Variants in DNAH3 observed in about 807,000 individuals in gnomAD.
DNAH3 encodes axonemal beta dynein heavy chain 3.
DNAH3 carries 332 observed loss-of-function variants against 432.5 expected under a neutral mutation model. The ratio of observed to expected loss-of-function variants is 0.77; its 90% CI spans 0.70 to 0.84. The LOEUF is 0.84. Among genes scored for constraint, DNAH3 ranks in the 40% least tolerant of loss-of-function variants. DNAH3 has a pLI of 0.00. For missense variants in DNAH3, 4,861 were observed against 5,114.0 expected, an observed-to-expected ratio of 0.95 and a Z score of 1.51; for synonymous variants, 1,956 against 1,900.2, an observed-to-expected ratio of 1.03 and a Z score of -0.76.
intron 5 of DNAH3, chr16:21,140,191 A>G (rs1187779679): frequency 2.2e-5 from 4 of 184,832 alleles, no homozygotes; most frequent in Non-Finnish European, 1.1e-5. Context: ...GTTATTCATT[A>G]CCTAAAATTT....
intron 49 of DNAH3, among the ~76,000 whole-genome samples, chr16:20,979,823 C>T (rs987223484): frequency 6.6e-6 from 1 of 152,146 alleles, no homozygotes; most frequent in Non-Finnish European, 1.5e-5. Context: ...GATCTCAGCT[C>T]GCTGCAACCT....
At chr16:20,941,254 G>T in intron 59 of DNAH3, 147 bp downstream of exon 59, 1 of 811,656 alleles carries the variant, frequency 1.2e-6, no homozygotes, top group Non-Finnish European at 2.0e-6. Context: ...TGCTGGGGAT[G>T]GTCCTATTCA....
chr16:20,966,323 GCCACCACGC>G (rs1408126937), intron 52 of DNAH3, among the ~76,000 whole-genome samples: 1 of 151,598 alleles, frequency 6.6e-6, no homozygotes, highest in Non-Finnish European at 1.5e-5. Context: ...ACAGGTATGG[GCCACCACGC>G]CCAGCTGTGC....
chr16:21,067,776 G>GGGGGGAGAGGGAGA (rs2090616078), intron 23 of DNAH3, among the ~76,000 whole-genome samples: 1 of 40,880 alleles, frequency 2.4e-5, no homozygotes, highest in Non-Finnish European at 4.2e-5. Flanking sequence ...GGGTGGGGAG[G>GGGGGGAGAGGGAGA]GAGAGAGAGA....
chr16:21,025,773 G>A (rs1158405752), intron 38 of DNAH3, among the ~76,000 whole-genome samples: 2 of 151,674 alleles, frequency 1.3e-5, no homozygotes, highest in South Asian at 2.1e-4. Flanking sequence ...TTGTTCTGTC[G>A]CCCAGGCTGG....
chr16:20,987,165 A>G, intron 47 of DNAH3, 140 bp downstream of exon 47: 3 of 990,608 alleles, frequency 3.0e-6, no homozygotes. Context: ...CAAAAAGAGC[A>G]GTTGACTCAA....
chr16:21,110,685 A>AT, intron 14 of DNAH3, among the ~76,000 whole-genome samples: 1 of 152,252 alleles, frequency 6.6e-6, no homozygotes, highest in East Asian at 1.9e-4. Flanking sequence ...TTGTCAGTAA[A>AT]ATAAAGGCAT....
At chr16:21,113,401 G>T (rs958573143) in intron 12 of DNAH3, among the ~76,000 whole-genome samples, 1 of 152,066 alleles carries the variant, frequency 6.6e-6, no homozygotes, top group African/African-American at 2.4e-5. Flanking sequence ...TTAATACTTT[G>T]TATCCCTCAA....
At chr16:21,122,932 A>G (rs1357763319) in intron 9 of DNAH3, among the ~76,000 whole-genome samples, 1 of 151,986 alleles carries the variant, frequency 6.6e-6, no homozygotes, top group African/African-American at 2.4e-5. Context: ...GATTACAGGT[A>G]TGAGACACTA....
At chr16:21,060,770 C>T (rs904563299) in intron 25 of DNAH3, among the ~76,000 whole-genome samples, 7 of 151,144 alleles carry the variant, frequency 4.6e-5, no homozygotes, top group African/African-American at 1.5e-4. Context: ...CGTGATCTGC[C>T]CACCTCGGCC....
chr16:21,020,387 ATATATATATATTT>A (rs2088124546), intron 40 of DNAH3, among the ~76,000 whole-genome samples: 1 of 34,948 alleles, frequency 2.9e-5, no homozygotes, highest in Non-Finnish European at 4.9e-5. Context: ...ATATATATAT[ATATATATATATTT>A]TTTTTTTTTT....
At chr16:21,084,962 C>T (rs542380693) in intron 19 of DNAH3, among the ~76,000 whole-genome samples, 3 of 151,768 alleles carry the variant, frequency 2.0e-5, no homozygotes, top group African/African-American at 7.3e-5. Context: ...GCTCCCTAAC[C>T]CCCCCATCCC....
At chr16:21,147,224 ATT>A (rs796252295) in intron 1 of DNAH3, among the ~76,000 whole-genome samples, 5 of 139,562 alleles carry the variant, frequency 3.6e-5, no homozygotes, top group Admixed American at 7.2e-5. Flanking sequence ...TGACTCTTGC[ATT>A]TTTTTTTTTT....
chr16:21,055,336 A>G (rs77189192), intron 27 of DNAH3, among the ~76,000 whole-genome samples: 2 of 152,140 alleles, frequency 1.3e-5, no homozygotes, highest in African/African-American at 2.4e-5. Flanking sequence ...GAATACAGGC[A>G]TGAGCCACCA....
At chr16:21,095,578 A>C (rs1458584324) in intron 18 of DNAH3, among the ~76,000 whole-genome samples, 1 of 152,222 alleles carries the variant, frequency 6.6e-6, no homozygotes, top group Non-Finnish European at 1.5e-5. Flanking sequence ...CAGTCCAAAG[A>C]AATTTATTGA....
intron 48 of DNAH3, 145 bp from the exon 49 acceptor site, chr16:20,983,031 A>G: frequency 1.3e-6 from 1 of 771,986 alleles, no homozygotes; most frequent in Non-Finnish European, 2.1e-6. Context: ...CAATGGCCAT[A>G]ATGAGTGCCT....
At chr16:20,951,676 T>C (rs948535740) in intron 56 of DNAH3, among the ~76,000 whole-genome samples, 3 of 150,904 alleles carry the variant, frequency 2.0e-5, no homozygotes, top group African/African-American at 7.3e-5. Flanking sequence ...CCTCAAGTGA[T>C]CCATCGCCTC....
intron 3 of DNAH3, among the ~76,000 whole-genome samples, chr16:21,143,170 A>G (rs2092742078): frequency 6.6e-6 from 1 of 152,176 alleles, no homozygotes; most frequent in East Asian, 1.9e-4. Context: ...TTCTTCACAG[A>G]TATTAATAAT....
intron 44 of DNAH3, among the ~76,000 whole-genome samples, chr16:20,993,678 G>GT (rs1039599733): frequency 2.6e-5 from 4 of 152,016 alleles, no homozygotes; most frequent in Admixed American, 6.6e-5. Flanking sequence ...CTGCCCAAAA[G>GT]TTTTTTTCTT....
Sources: allele counts gnomAD v4.1 joint callset (sites outside exome capture counted in the v4.1 genomes callset), GRCh38; gene constraint gnomAD v4.1.1; transcripts MANE v1.5; gene names NCBI Gene and HGNC (gene_info 2026-07-23, HGNC 2026-07-21).